Variants in UPK3A observed in about 807,000 individuals in gnomAD.
UPK3A encodes uroplakin 3A, also known as uroplakin-3a.
UPK3A carries 32 observed loss-of-function variants against 27.6 expected under a neutral mutation model. The observed-to-expected ratio is 1.16, with a 90% CI of 0.87 to 1.55. The LOEUF (loss-of-function observed/expected upper bound fraction) is 1.55. UPK3A is among the 40% of genes most tolerant of loss of function. UPK3A has a pLI of 0.00. For missense variants in UPK3A, 370 were observed against 367.9 expected (o/e 1.01, Z -0.05); for synonymous variants, 171 against 163.9 (o/e 1.04, Z -0.33).
chr22:45,287,433 C>G lies in UPK3A; in HGVS notation c.470C>G (p.Ser157Trp), dbSNP rs200941092. 2.1e-5 allele frequency: 34 copies of G among 1,599,708 alleles called. No homozygotes were observed. The Admixed American group carries it at 4.6e-4, about 21-fold the overall frequency. The change falls in exon 3 of 6, where the codon TCG (serine) becomes TGG (tryptophan). Residue 157 changes from serine (S) to tryptophan (W), a missense_variant. Ser to Trp is a radical substitution (Grantham distance 177, BLOSUM62 -3). Coordinates refer to ENST00000216211, the MANE Select transcript of UPK3A (RefSeq NM_006953.4). ...NFQGLCNAPL[S>W]AATEYRFKYV... ...CAGGGCCTCTGTAACGCACCCCTGT[C>G]GGCAGCCACGGAGTACAGGTGGGTG...
At chr22:45,295,016 T>C (rs141091810) in intron 5 of UPK3A, among the ~76,000 whole-genome samples, 4 of 151,618 alleles carry the variant, frequency 2.6e-5, no homozygotes, top group African/African-American at 7.3e-5. Context: ...CAGGCGACCA[T>C]CACCATGCCC....
chr22:45,295,656 G>T lies in UPK3A; in HGVS notation c.801G>T (p.Thr267=). Residue 267 remains threonine, a synonymous_variant, in exon 6 of 6, where the codon ACG becomes ACT. Coordinates refer to ENST00000216211, the MANE Select transcript of UPK3A (RefSeq NM_006953.4). The stretch of plus-strand genomic sequence containing the variant: ...TGGGGGCCTCGGAGTCTTCCTACAC[G>T]TCCGTGAACCGGGGGCCGCCACTGG... ...KSLGASESSY[T]SVNRGPPLDR... 6.2e-7 allele frequency: 1 copy of T among 1,613,896 alleles called. No individual in the cohort carries two copies. Among genetic ancestry groups the T allele is most frequent in the Admixed American group, 1.7e-5 (1 of 59,988 alleles).
chr22:45,291,633 G>A (rs1342541197), intron 4 of UPK3A, among the ~76,000 whole-genome samples: 1 of 150,406 alleles, frequency 6.6e-6, no homozygotes, highest in African/African-American at 2.4e-5. Context: ...GAGTTGGTAT[G>A]TGTAGTGTGT....
At chr22:45,292,462 G>A (rs536713351) in intron 4 of UPK3A, among the ~76,000 whole-genome samples, 2 of 152,204 alleles carry the variant, frequency 1.3e-5, no homozygotes, top group Admixed American at 6.5e-5. Flanking sequence ...TGTTCACAGC[G>A]TTCCAAAGGG....
chr22:45,287,930 T>C (rs1339645120), intron 3 of UPK3A, among the ~76,000 whole-genome samples: 9 of 152,182 alleles, frequency 5.9e-5, no homozygotes, highest in African/African-American at 2.2e-4. Context: ...TCCTCCATAG[T>C]ATTGGGTTAC....
At position 45,289,097 on chromosome 22, in the gene UPK3A, G is replaced by A; in HGVS notation, c.525G>A (p.Leu175=). 2 of 1,614,028 alleles carry A rather than the reference G, an allele frequency of 1.2e-6. No individual in the cohort carries two copies. The highest frequency in any genetic ancestry group is 1.7e-6 in the Non-Finnish European group (2 of 1,180,018). ...KYVLVNMSTG[L]VEDQTLWSDP... The stretch of plus-strand genomic sequence containing the variant: ...TCCTGGTCAATATGTCCACGGGCTT[G>A]GTAGAGGACCAGACCCTGTGGTCAG... Residue 175 remains leucine, a synonymous_variant, in exon 4 of 6, where the codon TTG becomes TTA. Coordinates refer to ENST00000216211, the MANE Select transcript of UPK3A (RefSeq NM_006953.4).
intron 4 of UPK3A, among the ~76,000 whole-genome samples, 196 bp from the exon 5 acceptor site, chr22:45,292,985 A>G (rs1471438282): frequency 1.3e-5 from 2 of 151,986 alleles, no homozygotes; most frequent in Admixed American, 1.3e-4. Context: ...AGAAACACAC[A>G]AAAGAAAGTT....
chr22:45,291,430 GGT>G (rs1026868234), intron 4 of UPK3A, among the ~76,000 whole-genome samples: 2 of 149,892 alleles, frequency 1.3e-5, no homozygotes, highest in Non-Finnish European at 1.5e-5. Context: ...GTATGTGTGT[GGT>G]GTGTGTGGTG....
At chr22:45,293,120 C>T in intron 4 of UPK3A, 61 bp from the exon 5 acceptor site, 5 of 1,606,294 alleles carry the variant, frequency 3.1e-6, no homozygotes, top group Non-Finnish European at 4.2e-6. Flanking sequence ...CCGCCGCCTC[C>T]TGGGAGAAGG....
intron 4 of UPK3A, among the ~76,000 whole-genome samples, chr22:45,291,340 G>A (rs999860546): frequency 3.3e-5 from 5 of 150,040 alleles, no homozygotes; most frequent in Admixed American, 6.6e-5. Context: ...TGGTTAGCGT[G>A]AGAGTATGTC....
intron 3 of UPK3A, among the ~76,000 whole-genome samples, 196 bp from the exon 4 acceptor site, chr22:45,288,865 G>A (rs572462443): frequency 1.3e-5 from 2 of 149,976 alleles, no homozygotes; most frequent in Admixed American, 6.7e-5. Context: ...GAGGGGTCCT[G>A]GGGGGGGTCC....
At chr22:45,292,513 G>A (rs552597594) in intron 4 of UPK3A, among the ~76,000 whole-genome samples, 1 of 152,296 alleles carries the variant, frequency 6.6e-6, no homozygotes, top group Non-Finnish European at 1.5e-5. Flanking sequence ...CGTCCACCTG[G>A]CCCCGTCAGA....
At chr22:45,287,020 G>A (rs1456405507) in intron 2 of UPK3A, 152 bp from the exon 3 acceptor site, 6 of 1,123,392 alleles carry the variant, frequency 5.3e-6, no homozygotes, top group Non-Finnish European at 7.9e-6. Flanking sequence ...ATTGCACTGA[G>A]AGGGCAGAGA....
chr22:45,286,415 C>A (rs8138385), intron 2 of UPK3A, among the ~76,000 whole-genome samples: 1 of 152,040 alleles, frequency 6.6e-6, no homozygotes, highest in Non-Finnish European at 1.5e-5. Flanking sequence ...TGGAATAACC[C>A]CCCCTGGACC....
In UPK3A at chr22:45,285,201, C is replaced by T. The variant is rs1601846034; in HGVS notation, c.52+136C>T. On this transcript the variant is annotated intron_variant, in intron 1 of 5. Transcript: ENST00000216211. ...TGTTATGAATAATAGTGATAGCCAA[C>T]GTTTACGGGCCTCCTCTGTTGGGAA... The T allele has an allele frequency of 4.4e-5, 35 of 789,398 alleles. No individual in the cohort carries two copies. The East Asian group carries it at 1.0e-3, about 23-fold the overall frequency. The allele number at this position is 789,398 out of a possible 1,614,324, so 48.9% of individuals were successfully genotyped here.
At chr22:45,295,536 G>C (rs764741720) in intron 5 of UPK3A, 24 bp from the exon 6 acceptor site, 3 of 1,613,910 alleles carry the variant, frequency 1.9e-6, no homozygotes, top group Non-Finnish European at 1.7e-6. Flanking sequence ...CCCTAATCCT[G>C]GGTCTTTCCA....
intron 3 of UPK3A, 36 bp from the exon 4 acceptor site, chr22:45,289,025 A>C (rs1353990993): frequency 6.2e-7 from 1 of 1,607,684 alleles, no homozygotes; most frequent in Admixed American, 1.7e-5. Context: ...GGCTCACAGG[A>C]AGCATAAAAG....
Position 45,287,256 on chromosome 22 carries a change from G to T in UPK3A, c.293G>T (p.Gly98Val). Residue 98 changes from glycine to valine, a missense_variant, in exon 3 of 6, where the codon GGT becomes GTT. Coordinates refer to ENST00000216211, the MANE Select transcript of UPK3A (RefSeq NM_006953.4). ...TFLQTEGGRT[G>V]PYKAVAFDLI... ...CTACAAACAGAGGGTGGGAGGACAG[G>T]TCCCTACAAAGCTGTGGCCTTTGAC... 4 of 1,614,222 alleles carry T rather than the reference G, an allele frequency of 2.5e-6. No homozygotes were observed. Among genetic ancestry groups the T allele is most frequent in the Non-Finnish European group, 2.5e-6 (3 of 1,180,042 alleles).
Position 45,284,989 on chromosome 22 carries a change from G to C in UPK3A, c.-25G>C, listed in dbSNP as rs116162068. ...GCCTGCTCGCTGGACCGCCCGCCCC[G>C]CGCTCTGGCGGCTCCTCCCGGGCGA... On this transcript the variant is annotated 5_prime_UTR_variant, in exon 1 of 6. Transcript: ENST00000216211. 39,874 of 1,528,842 alleles carry C rather than the reference G, an allele frequency of 0.026. 1,966 individuals carry two copies. The highest frequency in any genetic ancestry group is 0.2 in the African/African-American group (14,207 of 72,398). 94.7% of individuals were successfully genotyped at this position (1,528,842 alleles called of 1,614,324 possible).
Sources: allele counts gnomAD v4.1 joint callset (sites outside exome capture counted in the v4.1 genomes callset), GRCh38; gene constraint gnomAD v4.1.1; transcripts MANE v1.5; gene names NCBI Gene and HGNC (gene_info 2026-07-23, HGNC 2026-07-21).